SGCZ: variants seen among roughly 807,000 people sequenced by gnomAD.
SGCZ encodes the protein sarcoglycan zeta, also known as zeta-sarcoglycan.
In SGCZ, 40 loss-of-function variants were observed where a neutral mutation model predicts 41.3. The observed-to-expected ratio is 0.97, with a 90% CI of 0.75 to 1.26. The LOEUF is 1.26. Among genes scored for constraint, SGCZ ranks in the 50% most tolerant of loss-of-function variants. The pLI, the probability that SGCZ is intolerant of heterozygous loss-of-function variation, is 0.00. For missense variants in SGCZ, 552 were observed against 369.8 expected, an observed-to-expected ratio of 1.49 and a Z score of -4.04; for synonymous variants, 206 against 137.5, an observed-to-expected ratio of 1.50 and a Z score of -3.49.
chr8:14,211,828 C>A (rs1191946607), intron 4 of SGCZ, among the ~76,000 whole-genome samples: 1 of 152,064 alleles, frequency 6.6e-6, no homozygotes. Context: ...GGACACAAAT[C>A]CAAATCATAT....
intron 1 of SGCZ, among the ~76,000 whole-genome samples, chr8:14,576,179 G>A (rs867920707): frequency 1.3e-5 from 2 of 152,154 alleles, no homozygotes; most frequent in Middle Eastern, 3.2e-3. Flanking sequence ...TATAAAATGA[G>A]AGCCATGCAA....
intron 1 of SGCZ, among the ~76,000 whole-genome samples, chr8:14,769,074 A>G (rs997304140): frequency 2.6e-5 from 4 of 152,072 alleles, no homozygotes; most frequent in African/African-American, 9.7e-5. Flanking sequence ...GGTAGAAAAA[A>G]GGCAATAAGA....
chr8:14,741,360 T>C (rs1375783275), intron 1 of SGCZ, among the ~76,000 whole-genome samples: 3 of 152,060 alleles, frequency 2.0e-5, no homozygotes, highest in African/African-American at 7.2e-5. Flanking sequence ...TTACAGTAGA[T>C]CCTCACAAAG....
chr8:14,921,259 G>A (rs933564250), intron 1 of SGCZ, among the ~76,000 whole-genome samples: 3 of 152,066 alleles, frequency 2.0e-5, no homozygotes, highest in African/African-American at 7.2e-5. Flanking sequence ...CTCTCCTTCA[G>A]ACCTAAAATG....
intron 5 of SGCZ, among the ~76,000 whole-genome samples, chr8:14,119,526 C>T (rs186192685): frequency 6.6e-6 from 1 of 152,088 alleles, no homozygotes; most frequent in Non-Finnish European, 1.5e-5. Flanking sequence ...ATTTCACTTT[C>T]TTTCTATTTA....
At chr8:14,468,327 T>C (rs1801109635) in intron 2 of SGCZ, among the ~76,000 whole-genome samples, 1 of 152,100 alleles carries the variant, frequency 6.6e-6, no homozygotes, top group African/African-American at 2.4e-5. Flanking sequence ...ACTACCCTTA[T>C]CTTTAGAGCA....
intron 5 of SGCZ, among the ~76,000 whole-genome samples, chr8:14,141,987 T>TA: frequency 6.6e-6 from 1 of 152,100 alleles, no homozygotes; most frequent in Admixed American, 6.5e-5. Flanking sequence ...TCTGCAGTCA[T>TA]AAAAAATGGA....
At chr8:14,269,793 C>T (rs1800000956) in intron 3 of SGCZ, among the ~76,000 whole-genome samples, 2 of 152,008 alleles carry the variant, frequency 1.3e-5, no homozygotes, top group Admixed American at 1.3e-4. Flanking sequence ...TGGGGTCAGC[C>T]CAGGTTTGAC....
At chr8:14,896,779 C>CT (rs955506258) in intron 1 of SGCZ, among the ~76,000 whole-genome samples, 4 of 148,938 alleles carry the variant, frequency 2.7e-5, no homozygotes, top group African/African-American at 5.0e-5. Flanking sequence ...ACCTGGCTGA[C>CT]TTTTTTTTTC....
At chr8:14,636,385 C>A (rs1355452754) in intron 1 of SGCZ, among the ~76,000 whole-genome samples, 2 of 151,880 alleles carry the variant, frequency 1.3e-5, no homozygotes, top group African/African-American at 4.8e-5. Context: ...AAAAAACAGA[C>A]AACCAGCTAG....
At chr8:15,112,904 G>T (rs185446974) in intron 1 of SGCZ, among the ~76,000 whole-genome samples, 1 of 152,146 alleles carries the variant, frequency 6.6e-6, no homozygotes, top group South Asian at 2.1e-4. Context: ...GAAGTCATGC[G>T]TTGTGTGGGT....
chr8:14,659,124 G>C (rs1807668006), intron 1 of SGCZ, among the ~76,000 whole-genome samples: 1 of 152,042 alleles, frequency 6.6e-6, no homozygotes, highest in Non-Finnish European at 1.5e-5. Flanking sequence ...CAAGTTTAAA[G>C]TTTAGTTACA....
chr8:14,178,119 G>A (rs561015768), intron 4 of SGCZ, among the ~76,000 whole-genome samples: 5 of 151,428 alleles, frequency 3.3e-5, no homozygotes, highest in African/African-American at 7.3e-5. Context: ...CATCACCCCC[G>A]GCTAATTGTG....
At chr8:14,298,727 GA>G (rs1235442061) in intron 3 of SGCZ, among the ~76,000 whole-genome samples, 1 of 151,972 alleles carries the variant, frequency 6.6e-6, no homozygotes, top group Non-Finnish European at 1.5e-5. Flanking sequence ...CAATGTATTG[GA>G]TGACAAAATA....
chr8:14,602,693 T>C (rs1202855016), intron 1 of SGCZ, among the ~76,000 whole-genome samples: 2 of 152,194 alleles, frequency 1.3e-5, no homozygotes, highest in African/African-American at 2.4e-5. Context: ...TATGCTTCTC[T>C]GGCAGCATTT....
chr8:14,616,318 A>C (rs564978463), intron 1 of SGCZ, among the ~76,000 whole-genome samples: 40 of 151,962 alleles, frequency 2.6e-4, no homozygotes, highest in African/African-American at 9.2e-4. Flanking sequence ...ACCCTGAACT[A>C]GACTGATGAT....
Position 15,138,071 on chromosome 8 carries a change from T to A in SGCZ, c.39+99514A>T, listed in dbSNP as rs1003886021. The stretch of plus-strand genomic sequence containing the variant: ...AGGCCATGGGAGTTCACCTCTTGCA[T>A]CAGCATGACTTGGCTGTGAGACACG... On this transcript the variant is annotated intron_variant, in intron 1 of 7. Coordinates refer to ENST00000382080, the MANE Select transcript of SGCZ (RefSeq NM_139167.4). Among the ~76,000 whole-genome samples, 7 of 152,282 alleles carry A rather than the reference T, an allele frequency of 4.6e-5. 1 individual carries two copies. Among genetic ancestry groups the A allele is most frequent in the Admixed American group, 4.6e-4 (7 of 15,298 alleles).
chr8:15,012,813 G>T (rs867840029), intron 1 of SGCZ, among the ~76,000 whole-genome samples: 4 of 149,396 alleles, frequency 2.7e-5, no homozygotes, highest in African/African-American at 7.4e-5. Context: ...ATATATATAC[G>T]TATACAAGAA....
chr8:14,504,569 G>C (rs775655694), intron 2 of SGCZ, among the ~76,000 whole-genome samples: 3 of 151,892 alleles, frequency 2.0e-5, no homozygotes, highest in Non-Finnish European at 2.9e-5. Flanking sequence ...TTTCTTCTGC[G>C]TTATTGCCTT....
Sources: gnomAD v4.1 joint callset for allele counts (sites outside exome capture counted in the v4.1 genomes callset) on GRCh38, gnomAD v4.1.1 for gene constraint, MANE v1.5 for transcripts, NCBI Gene and HGNC (gene_info 2026-07-23, HGNC 2026-07-21) for gene names.